The following ARHGAP10 variants were observed in gnomAD, a reference collection of about 807,000 sequenced individuals.
The protein encoded by ARHGAP10 is Rho GTPase activating protein 10.
A neutral mutation model predicts 108.6 loss-of-function variants in ARHGAP10; 87 were observed. The observed-to-expected ratio is 0.80, with a 90% confidence interval of 0.67 to 0.96. The LOEUF (loss-of-function observed/expected upper bound fraction) is 0.96. Ranked by LOEUF, ARHGAP10 falls within the 40% of genes least tolerant of loss-of-function variation. ARHGAP10 has a pLI of 0.00. For missense variants in ARHGAP10, 939 were observed against 954.5 expected, an observed-to-expected ratio of 0.98 and a Z score of 0.21; for synonymous variants, 347 against 341.1, an observed-to-expected ratio of 1.02 and a Z score of -0.19.
At chr4:147,988,215 G>A (rs201602224) in intron 18 of ARHGAP10, among the ~76,000 whole-genome samples, 2 of 152,212 alleles carry the variant, frequency 1.3e-5, no homozygotes, top group African/African-American at 4.8e-5. Flanking sequence ...GCTCTTTGAA[G>A]CCATTCAAAC....
chr4:148,043,600 G>A lies in ARHGAP10; in HGVS notation c.1868-3292G>A, dbSNP rs1258528494. ...CCGAGACCAAGCTGGACAACATAGG[G>A]AGACCCTCTCTCTAATATATATATA... On this transcript the variant is annotated intron_variant, in intron 19 of 22. Transcript: ENST00000336498. Among the ~76,000 whole-genome samples the A allele has an allele frequency of 6.5e-5, 5 of 76,344 alleles. No individual in the cohort carries two copies. In the East Asian group the frequency reaches 1.1e-3, roughly 17 times the overall value. 50.1% of individuals were successfully genotyped at this position (76,344 alleles called of 152,430 possible). A position where few individuals can be genotyped will look rare whatever the true frequency, so the allele number is the denominator to read the frequency against.
At chr4:147,762,631 G>A (rs890508809) in intron 1 of ARHGAP10, among the ~76,000 whole-genome samples, 4 of 151,720 alleles carry the variant, frequency 2.6e-5, no homozygotes, top group South Asian at 2.1e-4. Flanking sequence ...CCGGGTTCAC[G>A]CCATTCTCCT....
At chr4:147,993,809 T>C (rs1221958161) in intron 18 of ARHGAP10, among the ~76,000 whole-genome samples, 1 of 152,222 alleles carries the variant, frequency 6.6e-6, no homozygotes. Flanking sequence ...AATTATGAAA[T>C]ACAAAACTCT....
At chr4:147,971,704 G>C (rs546913708) in intron 18 of ARHGAP10, among the ~76,000 whole-genome samples, 4 of 152,124 alleles carry the variant, frequency 2.6e-5, no homozygotes, top group African/African-American at 4.8e-5. Context: ...AAAGAGATTC[G>C]GGCCAGGTGT....
chr4:147,870,891 C>T (rs962910469), intron 7 of ARHGAP10, among the ~76,000 whole-genome samples: 1 of 151,356 alleles, frequency 6.6e-6, no homozygotes. Context: ...ATTTTTGTCG[C>T]AATGTTCTAA....
At chr4:147,823,239 C>T (rs1370066514) in intron 3 of ARHGAP10, among the ~76,000 whole-genome samples, 1 of 152,162 alleles carries the variant, frequency 6.6e-6, no homozygotes, top group African/African-American at 2.4e-5. Context: ...CTTTTTGTTG[C>T]AGCAGAGCAC....
intron 5 of ARHGAP10, among the ~76,000 whole-genome samples, chr4:147,860,196 A>G (rs1734256688): frequency 6.6e-6 from 1 of 152,218 alleles, no homozygotes; most frequent in Non-Finnish European, 1.5e-5. Context: ...TAATCCCAGC[A>G]CTGTGGGAGG....
At chr4:147,782,565 G>C (rs994793611) in intron 1 of ARHGAP10, 7 of 152,084 alleles carry the variant, frequency 4.6e-5, no homozygotes, top group Non-Finnish European at 8.8e-5. Flanking sequence ...AAGGTGTTTT[G>C]TAAAGCCCTG....
intron 1 of ARHGAP10, among the ~76,000 whole-genome samples, chr4:147,818,661 A>C (rs1218192178): frequency 6.6e-6 from 1 of 152,112 alleles, no homozygotes; most frequent in Non-Finnish European, 1.5e-5. Flanking sequence ...CTTTGTAACT[A>C]ACTTAGTCAG....
chr4:147,884,525 C>CT, intron 10 of ARHGAP10, among the ~76,000 whole-genome samples: 1 of 152,202 alleles, frequency 6.6e-6, no homozygotes, highest in Admixed American at 6.5e-5. Flanking sequence ...TAGCTTCCGT[C>CT]TTTTTTCTTG....
intron 1 of ARHGAP10, among the ~76,000 whole-genome samples, chr4:147,792,047 A>G (rs1378278642): frequency 2.0e-5 from 3 of 152,180 alleles, no homozygotes; most frequent in Admixed American, 6.5e-5. Context: ...TGAGAGTAGA[A>G]TTGCTGTGTG....
intron 3 of ARHGAP10, among the ~76,000 whole-genome samples, chr4:147,843,349 T>C (rs1011626184): frequency 6.6e-6 from 1 of 152,202 alleles, no homozygotes; most frequent in Non-Finnish European, 1.5e-5. Flanking sequence ...CCTCTCTCTC[T>C]ACTGCCCCAC....
chr4:148,016,565 C>T (rs964423426), intron 18 of ARHGAP10, among the ~76,000 whole-genome samples: 1 of 152,074 alleles, frequency 6.6e-6, no homozygotes, highest in Non-Finnish European at 1.5e-5. Context: ...TCTTATAACA[C>T]AACAATCAAC....
chr4:147,874,058 T>TTTC (rs1391764773), intron 7 of ARHGAP10, among the ~76,000 whole-genome samples: 1 of 152,088 alleles, frequency 6.6e-6, no homozygotes. Context: ...GCAGACAGGT[T>TTTC]TTCCCTTTTA....
chr4:147,795,080 C>G (rs1345406267), intron 1 of ARHGAP10, among the ~76,000 whole-genome samples: 1 of 151,902 alleles, frequency 6.6e-6, no homozygotes, highest in Non-Finnish European at 1.5e-5. Context: ...TCAAGGGTGG[C>G]CTTTGTAGTT....
chr4:147,961,140 C>T (rs545330639), intron 16 of ARHGAP10, among the ~76,000 whole-genome samples: 32 of 152,294 alleles, frequency 2.1e-4, no homozygotes, highest in African/African-American at 6.5e-4. Flanking sequence ...AACAGTTCTT[C>T]AGAGTGGTTG....
intron 1 of ARHGAP10, among the ~76,000 whole-genome samples, chr4:147,748,315 G>A (rs1393708831): frequency 4.6e-5 from 7 of 152,218 alleles, no homozygotes; most frequent in African/African-American, 1.7e-4. Context: ...CCAGTCGGGT[G>A]AAGAAGTGGG....
chr4:147,948,799 T>C (rs1738483216), intron 15 of ARHGAP10, among the ~76,000 whole-genome samples: 1 of 145,944 alleles, frequency 6.9e-6, no homozygotes, highest in Non-Finnish European at 1.5e-5. Flanking sequence ...TACTAAAAAA[T>C]ACAAGAAAAA....
chr4:147,835,080 A>AT (rs1733113379), intron 3 of ARHGAP10, among the ~76,000 whole-genome samples: 1 of 152,096 alleles, frequency 6.6e-6, no homozygotes, highest in African/African-American at 2.4e-5. Flanking sequence ...AATTATCTAA[A>AT]TTTATAGGAG....
Sources: gnomAD v4.1 joint callset for allele counts (sites outside exome capture counted in the v4.1 genomes callset) on GRCh38, gnomAD v4.1.1 for gene constraint, MANE v1.5 for transcripts, NCBI Gene and HGNC (gene_info 2026-07-23, HGNC 2026-07-21) for gene names.